Variants in CFAP96 observed in about 807,000 individuals in gnomAD.
CFAP96 encodes the protein cilia and flagella associated protein 96, also known as cilia-and flagella-associated protein 96.
At chr4:185,436,840 A>C in the CFAP96 span, among the ~76,000 whole-genome samples, 1 of 151,922 alleles carries the variant, frequency 6.6e-6, no homozygotes, top group African/African-American at 2.4e-5. Context: ...TTACCCTTTT[A>C]TTAGATTTTC....
At chr4:185,448,265 C>T in the CFAP96 span, among the ~76,000 whole-genome samples, 6 of 152,182 alleles carry the variant, frequency 3.9e-5, no homozygotes, top group Non-Finnish European at 8.8e-5. Context: ...AGGTGATCCG[C>T]CCGCCTCAGC....
chr4:185,442,206 T>G, the CFAP96 span, among the ~76,000 whole-genome samples: 2 of 152,096 alleles, frequency 1.3e-5, no homozygotes, highest in Non-Finnish European at 2.9e-5. Flanking sequence ...CTCCAGAACT[T>G]CAGAATTATT....
the CFAP96 span, chr4:185,413,879 T>G: frequency 2.5e-6 from 4 of 1,584,072 alleles, no homozygotes; most frequent in African/African-American, 1.4e-5. Context: ...ACTCCTAAAA[T>G]AAATCAGAAT....
the CFAP96 span, chr4:185,429,374 A>G: frequency 3.2e-6 from 4 of 1,266,386 alleles, no homozygotes; most frequent in East Asian, 3.0e-5. Context: ...AAACTTTTGA[A>G]GTTAGCGGTA....
At chr4:185,431,611 C>CCTGCGCA in the CFAP96 span, among the ~76,000 whole-genome samples, 2 of 152,226 alleles carry the variant, frequency 1.3e-5, no homozygotes, top group African/African-American at 4.8e-5. Context: ...TTCTCTTCGA[C>CCTGCGCA]CTGCGCACAC....
the CFAP96 span, chr4:185,415,467 GAA>G: frequency 1.1e-6 from 1 of 910,436 alleles, no homozygotes; most frequent in Non-Finnish European, 1.6e-6. Flanking sequence ...TTTGCTAAAG[GAA>G]GTCTGAATTA....
chr4:185,445,168 A>G, the CFAP96 span: 7 of 1,493,754 alleles, frequency 4.7e-6, no homozygotes, highest in Non-Finnish European at 6.3e-6. Flanking sequence ...AACTAAGAAA[A>G]AATTGTTTCC....
the CFAP96 span, chr4:185,415,108 A>T: frequency 5.1e-4 from 721 of 1,421,554 alleles, no homozygotes; most frequent in Non-Finnish European, 6.4e-4. Context: ...TACAAAATGA[A>T]TGATAGTCAT....
chr4:185,436,686 G>A, the CFAP96 span, among the ~76,000 whole-genome samples: 44 of 145,192 alleles, frequency 3.0e-4, no homozygotes, highest in African/African-American at 1.0e-3. Context: ...CTCCAGCCTC[G>A]GTGACAGAAC....
At chr4:185,442,176 GC>G in the CFAP96 span, among the ~76,000 whole-genome samples, 3 of 151,972 alleles carry the variant, frequency 2.0e-5, no homozygotes, top group South Asian at 6.2e-4. Flanking sequence ...AAAAAGTTAT[GC>G]TGGTTATTCT....
At chr4:185,440,770 G>GGCCGGGCGTCGTGGC in the CFAP96 span, 2 of 280,282 alleles carry the variant, frequency 7.1e-6, no homozygotes, top group African/African-American at 4.6e-5. Flanking sequence ...AAGAAATACT[G>GGCCGGGCGTCGTGGC]TCTCTTGCTA....
At chr4:185,419,224 C>A in the CFAP96 span, among the ~76,000 whole-genome samples, 1 of 152,048 alleles carries the variant, frequency 6.6e-6, no homozygotes, top group African/African-American at 2.4e-5. Context: ...CTCCGCCTCC[C>A]GGGTTCACGC....
At chr4:185,436,379 T>G in the CFAP96 span, 9 of 1,476,184 alleles carry the variant, frequency 6.1e-6, no homozygotes, top group South Asian at 8.5e-5. Context: ...CTGTTTTGAA[T>G]GTTTCAACCT....
chr4:185,415,498 G>T, the CFAP96 span: 1 of 828,750 alleles, frequency 1.2e-6, no homozygotes, highest in Non-Finnish European at 1.8e-6. Flanking sequence ...AAAAGAAACT[G>T]TGTATTTGCT....
chr4:185,425,772 G>C, the CFAP96 span: 3 of 1,537,038 alleles, frequency 2.0e-6, no homozygotes, highest in Non-Finnish European at 2.6e-6. Flanking sequence ...ACCCCGGCAG[G>C]ACCAGCTCCT....
At chr4:185,414,807 C>T in the CFAP96 span, among the ~76,000 whole-genome samples, 1 of 152,128 alleles carries the variant, frequency 6.6e-6, no homozygotes, top group African/African-American at 2.4e-5. Flanking sequence ...TTGTCTCTTT[C>T]ACAAATCGGA....
the CFAP96 span, chr4:185,422,682 T>G: frequency 1.4e-6 from 1 of 727,234 alleles, no homozygotes; most frequent in Non-Finnish European, 2.2e-6. Flanking sequence ...TTCAAATTAT[T>G]TCATGAGTTA....
chr4:185,444,339 T>A, the CFAP96 span, among the ~76,000 whole-genome samples: 1 of 152,220 alleles, frequency 6.6e-6, no homozygotes, highest in East Asian at 1.9e-4. Flanking sequence ...TTATTATGAT[T>A]CTATAGAATT....
At chr4:185,425,890 C>T in the CFAP96 span, 4 of 1,596,188 alleles carry the variant, frequency 2.5e-6, no homozygotes, top group South Asian at 2.3e-5. Flanking sequence ...GGCGGTGACA[C>T]GGGCGCTGAC....
Sources: gnomAD v4.1 joint callset for allele counts (sites outside exome capture counted in the v4.1 genomes callset) on GRCh38, gnomAD v4.1.1 for gene constraint, MANE v1.5 for transcripts, NCBI Gene and HGNC (gene_info 2026-07-23, HGNC 2026-07-21) for gene names.